The following NRXN1 variants were observed in gnomAD, a reference collection of about 807,000 sequenced individuals.
NRXN1 encodes the protein neurexin 1, also known as neurexin-1.
Under a neutral mutation model 150.9 loss-of-function variants are expected in NRXN1, and 39 were observed. The observed-to-expected ratio is 0.26, with a 90% CI of 0.20 to 0.34. The LOEUF is 0.34. Among genes scored for constraint, NRXN1 ranks in the 10% least tolerant of loss-of-function variants. The pLI, the probability that NRXN1 is intolerant of heterozygous loss-of-function variation, is 1.00. For synonymous variants in NRXN1, 924 were observed against 757.0 expected (o/e 1.22, Z -3.62); for missense variants, 1,815 against 1,949.9 (o/e 0.93, Z 1.30).
At chr2:49,993,504 C>T (rs1682375051) in intron 21 of NRXN1, among the ~76,000 whole-genome samples, 1 of 152,070 alleles carries the variant, frequency 6.6e-6, no homozygotes, top group South Asian at 2.1e-4. Flanking sequence ...TATATTTGTC[C>T]AAATCCACAG....
chr2:50,287,799 C>T (rs2138912), intron 17 of NRXN1, among the ~76,000 whole-genome samples: 23,184 of 152,032 alleles, frequency 0.15, 2,149 homozygotes, highest in East Asian at 0.37. Context: ...TGTTGCAGCA[C>T]GCTTAATTCA....
chr2:50,335,779 C>A (rs913455296), intron 17 of NRXN1, among the ~76,000 whole-genome samples: 3 of 152,262 alleles, frequency 2.0e-5, no homozygotes, highest in Admixed American at 6.5e-5. Flanking sequence ...TCAATTTCAA[C>A]CCTTTGTCTT....
At chr2:50,373,290 ATTTT>A (rs1175183904) in intron 17 of NRXN1, among the ~76,000 whole-genome samples, 1 of 78,530 alleles carries the variant, frequency 1.3e-5, no homozygotes, top group Non-Finnish European at 2.2e-5. Flanking sequence ...ATTTTATTTT[ATTTT>A]TTATTATTAT....
At chr2:50,736,711 T>C (rs1698798093) in intron 5 of NRXN1, among the ~76,000 whole-genome samples, 1 of 152,152 alleles carries the variant, frequency 6.6e-6, no homozygotes, top group East Asian at 1.9e-4. Context: ...GCCATGATTG[T>C]GAGGCCTCTC....
chr2:50,651,576 T>G (rs1168215590), intron 5 of NRXN1, among the ~76,000 whole-genome samples: 3 of 151,972 alleles, frequency 2.0e-5, no homozygotes, highest in Non-Finnish European at 2.9e-5. Flanking sequence ...GAGGATTGCT[T>G]GAGCAGAGGA....
intron 21 of NRXN1, among the ~76,000 whole-genome samples, chr2:49,985,845 T>C (rs1466977508): frequency 6.6e-6 from 1 of 152,196 alleles, no homozygotes; most frequent in Non-Finnish European, 1.5e-5. Flanking sequence ...ATTCACTCAC[T>C]TTGGAAGTTA....
chr2:50,221,890 C>T (rs927498857), intron 18 of NRXN1, among the ~76,000 whole-genome samples: 1 of 151,966 alleles, frequency 6.6e-6, no homozygotes, highest in African/African-American at 2.4e-5. Flanking sequence ...TTACTAAACA[C>T]TTTATAGCAG....
intron 5 of NRXN1, among the ~76,000 whole-genome samples, chr2:50,656,994 A>G (rs1559083799): frequency 6.6e-6 from 1 of 152,084 alleles, no homozygotes; most frequent in African/African-American, 2.4e-5. Context: ...CTTCCTTGAT[A>G]TATGACATAA....
intron 21 of NRXN1, among the ~76,000 whole-genome samples, chr2:49,965,746 G>A (rs1377743155): frequency 1.3e-5 from 2 of 152,196 alleles, no homozygotes; most frequent in African/African-American, 4.8e-5. Context: ...TCAGTGGTAA[G>A]AATGTTTCTG....
intron 18 of NRXN1, among the ~76,000 whole-genome samples, chr2:50,179,144 TC>T: frequency 6.6e-6 from 1 of 152,216 alleles, no homozygotes; most frequent in South Asian, 2.1e-4. Context: ...AGGAAACATG[TC>T]CTAAGATATT....
chr2:50,233,161 G>A (rs1178304459), intron 18 of NRXN1, among the ~76,000 whole-genome samples: 1 of 151,920 alleles, frequency 6.6e-6, no homozygotes, highest in African/African-American at 2.4e-5. Context: ...TATTTATTGA[G>A]CACTCATATT....
chr2:51,005,267 A>C (rs1423596533), intron 2 of NRXN1, among the ~76,000 whole-genome samples: 2 of 151,360 alleles, frequency 1.3e-5, no homozygotes, highest in South Asian at 2.1e-4. Flanking sequence ...CCAAGAAAAA[A>C]ATCTACACAT....
At chr2:50,264,687 T>C (rs564491) in intron 17 of NRXN1, among the ~76,000 whole-genome samples, 102,615 of 151,924 alleles carry the variant, frequency 0.68, 36,045 homozygotes, top group African/African-American at 0.87. Flanking sequence ...TCCCCCAGAA[T>C]ATTATAACAC....
intron 8 of NRXN1, among the ~76,000 whole-genome samples, chr2:50,604,691 T>C (rs1676814074): frequency 6.6e-6 from 1 of 152,152 alleles, no homozygotes; most frequent in African/African-American, 2.4e-5. Flanking sequence ...GGAAAGCCTT[T>C]TCCTAAATAT....
At chr2:50,692,195 A>C (rs1019357052) in intron 5 of NRXN1, among the ~76,000 whole-genome samples, 1 of 152,222 alleles carries the variant, frequency 6.6e-6, no homozygotes, top group Non-Finnish European at 1.5e-5. Context: ...TATTATCTGA[A>C]TAATCCTCTA....
intron 15 of NRXN1, among the ~76,000 whole-genome samples, chr2:50,479,486 T>C (rs2090264082): frequency 6.6e-6 from 1 of 152,232 alleles, no homozygotes; most frequent in South Asian, 2.1e-4. Context: ...TTTGTATGTG[T>C]AAGCCTTATG....
At chr2:50,270,349 A>G (rs1360644403) in intron 17 of NRXN1, among the ~76,000 whole-genome samples, 2 of 152,194 alleles carry the variant, frequency 1.3e-5, no homozygotes, top group Non-Finnish European at 2.9e-5. Flanking sequence ...TAGATCCACT[A>G]GCTAGACTGA....
chr2:49,927,415 T>TTTGA (rs1669292291), intron 22 of NRXN1, among the ~76,000 whole-genome samples: 1 of 152,230 alleles, frequency 6.6e-6, no homozygotes, highest in Admixed American at 6.5e-5. Context: ...GTTTGCATTG[T>TTTGA]TTGATTATAT....
chr2:50,999,659 T>G lies in NRXN1; in HGVS notation c.772+27843A>C, dbSNP rs184526182. On this transcript the variant is annotated intron_variant, in intron 2 of 22. Coordinates refer to ENST00000401669, the MANE Select transcript of NRXN1 (RefSeq NM_001330078.2). ...CCTACGTGAAATATCGGGGGTGAATTTCGACTGATAGGGAATGACCTCTCC... is the reference window on the plus strand; with the variant it reads ...CCTACGTGAAATATCGGGGGTGAATGTCGACTGATAGGGAATGACCTCTCC... 3.7e-4 allele frequency among the ~76,000 whole-genome samples: 56 copies of G among 152,080 alleles called. 1 individual carries two copies. Among genetic ancestry groups the G allele is most frequent in the Admixed American group, 3.3e-3 (51 of 15,248 alleles).
Sources: allele counts gnomAD v4.1 joint callset (sites outside exome capture counted in the v4.1 genomes callset), GRCh38; gene constraint gnomAD v4.1.1; transcripts MANE v1.5; gene names NCBI Gene and HGNC (gene_info 2026-07-23, HGNC 2026-07-21).